SNTA1: variants seen among roughly 807,000 people sequenced by gnomAD.
SNTA1 encodes the protein syntrophin alpha 1.
Under a neutral mutation model 47.1 loss-of-function variants are expected in SNTA1, and 31 were observed. The ratio of observed to expected loss-of-function variants is 0.66; its 90% CI spans 0.49 to 0.89. SNTA1 has a LOEUF of 0.89. Ranked by LOEUF, SNTA1 falls within the 40% of genes least tolerant of loss-of-function variation. The pLI, the probability that SNTA1 is intolerant of heterozygous loss-of-function variation, is 0.00. For synonymous variants in SNTA1, 300 were observed against 313.6 expected, an observed-to-expected ratio of 0.96 and a Z score of 0.46; for missense variants, 575 against 693.0, an observed-to-expected ratio of 0.83 and a Z score of 1.91.
chr20:33,418,708 A>G (rs11698075), intron 2 of SNTA1, among the ~76,000 whole-genome samples: 4 of 147,196 alleles, frequency 2.7e-5, no homozygotes, highest in African/African-American at 1.0e-4. Context: ...CAGGAGAATC[A>G]CTTGAACCCG....
chr20:33,411,194 GC>G (rs1419598018), intron 5 of SNTA1, among the ~76,000 whole-genome samples: 1 of 151,634 alleles, frequency 6.6e-6, no homozygotes, highest in Non-Finnish European at 1.5e-5. Context: ...GCTGACACCC[GC>G]CTTCGACTTT....
chr20:33,435,727 G>A (rs758331209), intron 2 of SNTA1, among the ~76,000 whole-genome samples: 1 of 152,220 alleles, frequency 6.6e-6, no homozygotes, highest in Non-Finnish European at 1.5e-5. Flanking sequence ...GCACACAGTA[G>A]ATGTCCATGA....
rs775380183 is a variant in SNTA1, at chr20:33,412,346, G to T, written c.990C>A (p.Thr330=). The change falls in exon 5 of 8, where the codon ACC becomes ACA. Residue 330 remains threonine, a synonymous_variant. Coordinates refer to ENST00000217381, the MANE Select transcript of SNTA1 (RefSeq NM_003098.3). ...GGGCTGGCCGGCTCAGGGCCTCGCG[G>T]GTCTCGGGGAGAGACAAGTAGAGGA... is the stretch of plus-strand genomic sequence containing the variant. ...ELLLYLSLPE[T]REALSRPART... 6.2e-7 allele frequency: 1 copy of T among 1,611,974 alleles called. No homozygotes were observed. Among genetic ancestry groups the T allele is most frequent in the Non-Finnish European group, 8.5e-7 (1 of 1,179,492 alleles).
intron 2 of SNTA1, among the ~76,000 whole-genome samples, chr20:33,422,449 AAAG>A (rs1990059520): frequency 6.6e-6 from 1 of 150,594 alleles, no homozygotes; most frequent in East Asian, 2.0e-4. Flanking sequence ...AAAAAAAAAA[AAAG>A]AAAAGAAAAA....
At chr20:33,433,009 G>A (rs1206680206) in intron 2 of SNTA1, among the ~76,000 whole-genome samples, 3 of 151,964 alleles carry the variant, frequency 2.0e-5, no homozygotes, top group South Asian at 2.1e-4. Flanking sequence ...GGCTCACTGC[G>A]ACATCCACCT....
chr20:33,440,683 C>T (rs981239444), intron 1 of SNTA1, among the ~76,000 whole-genome samples: 3 of 150,922 alleles, frequency 2.0e-5, no homozygotes, highest in Non-Finnish European at 4.4e-5. Context: ...CCAGGCATGG[C>T]GGTGTGTGCC....
At chr20:33,442,226 T>G (rs780053521) in intron 1 of SNTA1, among the ~76,000 whole-genome samples, 16 of 152,078 alleles carry the variant, frequency 1.1e-4, no homozygotes, top group Non-Finnish European at 2.4e-4. Context: ...GTGGTGGCAT[T>G]CACCACCATC....
At chr20:33,417,588 AT>A in intron 3 of SNTA1, 130 bp downstream of exon 3, 1 of 712,560 alleles carries the variant, frequency 1.4e-6, no homozygotes, top group Non-Finnish European at 2.5e-6. Context: ...CAGTCAATCT[AT>A]TTTTTAAGCA....
At position 33,410,203 on chromosome 20, in the gene SNTA1, G is replaced by A. The variant is rs121434500; in HGVS notation, c.1169C>T (p.Ala390Val). The A allele has an allele frequency of 2.5e-5, 41 of 1,613,938 alleles. No homozygotes were observed. Among genetic ancestry groups the A allele is most frequent in the Admixed American group, 6.7e-5 (4 of 60,000 alleles). ...ATCCACAAGCTGGCGGGTCCAGGCA[G>A]CCAGCTCCTGCGGTGACTCCACGCT... ...LFSVESPQEL[A>V]AWTRQLVDGC... Residue 390 changes from alanine to valine, a missense_variant, in exon 6 of 8, where the codon GCT becomes GTT. Transcript: ENST00000217381.
chr20:33,442,251 C>T (rs1278051967), intron 1 of SNTA1, among the ~76,000 whole-genome samples: 1 of 152,116 alleles, frequency 6.6e-6, no homozygotes, highest in Non-Finnish European at 1.5e-5. Flanking sequence ...CCGCCTCAGC[C>T]AAGCCAAACG....
chr20:33,424,670 T>A (rs758837098), intron 2 of SNTA1, among the ~76,000 whole-genome samples: 1 of 151,882 alleles, frequency 6.6e-6, no homozygotes, highest in African/African-American at 2.4e-5. Flanking sequence ...CATGTTATTA[T>A]GCCTGGCTAA....
At chr20:33,429,214 G>C (rs1990236398) in intron 2 of SNTA1, among the ~76,000 whole-genome samples, 1 of 151,398 alleles carries the variant, frequency 6.6e-6, no homozygotes. Flanking sequence ...GCACATGCCT[G>C]TGATCCCAGC....
rs778688832 is a variant in SNTA1, at chr20:33,412,638, C to G, written c.846G>C (p.Leu282=). The G allele has an allele frequency of 6.2e-7, 1 of 1,614,028 alleles. No individual in the cohort carries two copies. The highest frequency in any genetic ancestry group is 1.1e-5 in the South Asian group (1 of 91,084). The part of the protein sequence containing the change: ...TPRVKDELQA[L]LAATSTAGSQ... ...TCCCAGCTGTGCTGGTGGCTGCCAA[C>G]AGTGCCTGCAGCTCATCCTTGACCC... The change falls in exon 4 of 8, where the codon CTG becomes CTC. Residue 282 remains leucine, a synonymous_variant. Transcript: ENST00000217381.
Position 33,443,542 on chromosome 20 carries a change from G to A in SNTA1, c.79C>T (p.Arg27Ter). ...AGACTCAGCAGCACCCGCTGCCATC[G>A]CTCGCCGCCGGCCCCCGAGCCCGCC... ...AGAGSGAGGE[R>*]WQRVLLSLAE... The change falls in exon 1 of 8, where the codon CGA becomes TGA. Residue 27 changes from arginine (R) to a stop codon, truncating the protein, a stop_gained. Transcript: ENST00000217381. LOFTEE classifies it high-confidence loss of function. 1 of 1,342,366 alleles carries A rather than the reference G, an allele frequency of 7.4e-7. No homozygotes were observed. Among genetic ancestry groups the A allele is most frequent in the Non-Finnish European group, 9.6e-7 (1 of 1,039,366 alleles). The allele number at this position is 1,342,366 out of a possible 1,614,324, so 83.2% of individuals were successfully genotyped here. A position where few individuals can be genotyped will look rare whatever the true frequency, so the allele number is the denominator to read the frequency against.
intron 4 of SNTA1, 56 bp downstream of exon 4, chr20:33,412,519 G>A: frequency 3.1e-6 from 5 of 1,601,342 alleles, no homozygotes; most frequent in Non-Finnish European, 4.3e-6. Context: ...TGGGAACAGG[G>A]CCAGCTCCAA....
At chr20:33,423,934 G>A (rs1990094947) in intron 2 of SNTA1, among the ~76,000 whole-genome samples, 1 of 152,116 alleles carries the variant, frequency 6.6e-6, no homozygotes, top group Non-Finnish European at 1.5e-5. Context: ...CTAGCCCATG[G>A]CCTTTCTCCC....
intron 2 of SNTA1, among the ~76,000 whole-genome samples, chr20:33,422,124 G>T (rs567204706): frequency 6.6e-6 from 1 of 151,858 alleles, no homozygotes; most frequent in South Asian, 2.1e-4. Flanking sequence ...TGTTAGGGTT[G>T]TCTCCTCCAC....
At chr20:33,428,862 G>A (rs1193065365) in intron 2 of SNTA1, among the ~76,000 whole-genome samples, 1 of 151,876 alleles carries the variant, frequency 6.6e-6, no homozygotes, top group Non-Finnish European at 1.5e-5. Flanking sequence ...CCAAGATGGT[G>A]AAACCCCATC....
chr20:33,437,162 C>T (rs974324802), intron 2 of SNTA1, among the ~76,000 whole-genome samples: 2 of 150,802 alleles, frequency 1.3e-5, no homozygotes, highest in Non-Finnish European at 1.5e-5. Context: ...ACTCAGGAGG[C>T]GGAGGCAGAA....
Sources: allele counts gnomAD v4.1 joint callset (sites outside exome capture counted in the v4.1 genomes callset), GRCh38; gene constraint gnomAD v4.1.1; transcripts MANE v1.5; gene names NCBI Gene and HGNC (gene_info 2026-07-23, HGNC 2026-07-21).